Variants in EPB41L4B observed in about 807,000 individuals in gnomAD.
EPB41L4B encodes band 4.1-like protein 4B.
A neutral mutation model predicts 112.5 loss-of-function variants in EPB41L4B; 30 were observed. The observed-to-expected ratio is 0.27, with a 90% confidence interval of 0.20 to 0.36. EPB41L4B has a LOEUF of 0.36. EPB41L4B is among the 10% of genes least tolerant of loss of function. The pLI is 1.00. For missense variants in EPB41L4B, 1,024 were observed against 1,133.3 expected, an observed-to-expected ratio of 0.90 and a Z score of 1.38; for synonymous variants, 408 against 439.7, an observed-to-expected ratio of 0.93 and a Z score of 0.90.
At position 109,190,144 on chromosome 9, in the gene EPB41L4B, A is replaced by G. The variant is rs538827439; in HGVS notation, c.2301+2134T>C. Among the ~76,000 whole-genome samples, 94 of 152,270 alleles carry G rather than the reference A, an allele frequency of 6.2e-4. 2 individuals carry two copies. In the South Asian group the frequency reaches 0.019, roughly 31 times the overall value. ...TAGTGTCTTGGTGGAACGTTGCTGAATGAAGGCAAGATCTCCAGTTCCCTG... is the reference window on the plus strand; with the variant it reads ...TAGTGTCTTGGTGGAACGTTGCTGAGTGAAGGCAAGATCTCCAGTTCCCTG... On this transcript the variant is annotated intron_variant, in intron 22 of 25. Coordinates refer to ENST00000374566, the MANE Select transcript of EPB41L4B (RefSeq NM_019114.5).
At chr9:109,274,591 G>C (rs1835743335) in intron 2 of EPB41L4B, among the ~76,000 whole-genome samples, 1 of 152,172 alleles carries the variant, frequency 6.6e-6, no homozygotes, top group African/African-American at 2.4e-5. Flanking sequence ...GCTCAGCACT[G>C]AGTAAGCTCC....
chr9:109,182,679 G>T (rs547270362), intron 24 of EPB41L4B, 50 bp downstream of exon 24: 1 of 1,381,194 alleles, frequency 7.2e-7, no homozygotes, highest in African/African-American at 1.4e-5. Context: ...AAAGCACACC[G>T]CATGGGAACA....
chr9:109,276,091 T>TTATATATGTGTATCTATATACACA (rs1254922575), intron 2 of EPB41L4B, among the ~76,000 whole-genome samples: 2 of 148,038 alleles, frequency 1.4e-5, no homozygotes, highest in African/African-American at 4.9e-5. Context: ...TACATATATA[T>TTATATATGTGTATCTATATACACA]TATATATGTG....
chr9:109,214,294 C>T (rs575053380), intron 16 of EPB41L4B, among the ~76,000 whole-genome samples: 3 of 152,224 alleles, frequency 2.0e-5, no homozygotes, highest in Admixed American at 2.0e-4. Flanking sequence ...ATTCATTTGC[C>T]ACTACTTCTC....
intron 11 of EPB41L4B, 97 bp downstream of exon 11, chr9:109,255,414 C>G (rs1834939357): frequency 6.9e-7 from 1 of 1,442,190 alleles, no homozygotes; most frequent in Non-Finnish European, 9.4e-7. Flanking sequence ...ACCTAAGTTT[C>G]TGGACTCAAA....
intron 1 of EPB41L4B, among the ~76,000 whole-genome samples, chr9:109,314,455 G>A (rs1358688614): frequency 6.6e-6 from 1 of 152,194 alleles, no homozygotes; most frequent in Non-Finnish European, 1.5e-5. Flanking sequence ...TCAGAGCCCT[G>A]TACCAGTGTA....
intron 1 of EPB41L4B, among the ~76,000 whole-genome samples, chr9:109,318,438 A>C (rs1452873848): frequency 6.6e-6 from 1 of 152,098 alleles, no homozygotes; most frequent in Non-Finnish European, 1.5e-5. Flanking sequence ...CATGCACACC[A>C]CTTAAGCCTG....
In EPB41L4B at chr9:109,276,915, C is replaced by T. The variant is rs183707757; in HGVS notation, c.411+2902G>A. On this transcript the variant is annotated intron_variant, in intron 2 of 25. Transcript: ENST00000374566. The stretch of plus-strand genomic sequence containing the variant: ...TTTGCAGCAGACATGCCAACGTCCC[C>T]TTTAGACTCAGAATGACTGAACATT... 2.5e-4 allele frequency among the ~76,000 whole-genome samples: 38 copies of T among 152,308 alleles called. No individual in the cohort carries two copies. In the East Asian group the frequency reaches 6.9e-3, roughly 28 times the overall value.
intron 2 of EPB41L4B, among the ~76,000 whole-genome samples, chr9:109,271,781 C>T (rs915925698): frequency 2.6e-5 from 4 of 152,176 alleles, no homozygotes; most frequent in Non-Finnish European, 5.9e-5. Flanking sequence ...CAGACAGGTG[C>T]AATTCTGAGT....
chr9:109,263,519 A>T (rs765657081), intron 5 of EPB41L4B, among the ~76,000 whole-genome samples: 1 of 152,262 alleles, frequency 6.6e-6, no homozygotes, highest in Non-Finnish European at 1.5e-5. Context: ...GTTAAAAATA[A>T]ACACACAGAC....
At chr9:109,259,342 G>A (rs1006488384) in intron 6 of EPB41L4B, among the ~76,000 whole-genome samples, 3 of 152,146 alleles carry the variant, frequency 2.0e-5, no homozygotes, top group Non-Finnish European at 2.9e-5. Context: ...ACTGGGCCCC[G>A]CCCCCAGAGT....
intron 13 of EPB41L4B, 135 bp downstream of exon 13, chr9:109,251,346 G>A: frequency 1.2e-6 from 1 of 814,808 alleles, no homozygotes; most frequent in Non-Finnish European, 2.1e-6. Flanking sequence ...GGAATAGCCA[G>A]GCAGCAGAAA....
At chr9:109,285,927 T>C (rs1309181953) in intron 1 of EPB41L4B, among the ~76,000 whole-genome samples, 1 of 152,130 alleles carries the variant, frequency 6.6e-6, no homozygotes, top group East Asian at 1.9e-4. Context: ...CGTAAGCAGG[T>C]GTGTGCCTTA....
chr9:109,241,709 C>T (rs1410750965), intron 15 of EPB41L4B: 2 of 1,614,126 alleles, frequency 1.2e-6, no homozygotes, highest in Non-Finnish European at 1.7e-6. Context: ...CTTTGCATCC[C>T]TCCTAAGTTC....
intron 15 of EPB41L4B, among the ~76,000 whole-genome samples, chr9:109,226,951 C>T (rs1833803893): frequency 6.6e-6 from 1 of 151,528 alleles, no homozygotes; most frequent in African/African-American, 2.4e-5. Context: ...CAATCTTCTT[C>T]TCTCAGCCTC....
At position 109,248,475 on chromosome 9, in the gene EPB41L4B, C is replaced by T. The variant is rs190400335; in HGVS notation, c.1311-686G>A. ...GGGAAACCTGCTCAGGGTCGCCTGGCTGGTCAGTGGGAGCCAGGGCTAGAA... is the reference window on the plus strand; with the variant it reads ...GGGAAACCTGCTCAGGGTCGCCTGGTTGGTCAGTGGGAGCCAGGGCTAGAA... On this transcript the variant is annotated intron_variant, in intron 13 of 25. Transcript: ENST00000374566. 9.8e-5 allele frequency among the ~76,000 whole-genome samples: 15 copies of T among 152,320 alleles called. No individual in the cohort carries two copies. The East Asian group carries it at 2.1e-3, about 22-fold the overall frequency.
At chr9:109,239,901 T>C in intron 15 of EPB41L4B, 2 of 985,486 alleles carry the variant, frequency 2.0e-6, no homozygotes, top group Non-Finnish European at 2.4e-6. Context: ...CACTTCTCTC[T>C]ACTCAGCACC....
chr9:109,258,124 T>G, intron 7 of EPB41L4B, 53 bp downstream of exon 7: 1 of 1,575,250 alleles, frequency 6.3e-7, no homozygotes, highest in Non-Finnish European at 8.7e-7. Context: ...TGATCAACAC[T>G]TATTTATGAC....
intron 15 of EPB41L4B, among the ~76,000 whole-genome samples, chr9:109,218,663 A>G (rs1156277874): frequency 6.6e-6 from 1 of 150,956 alleles, no homozygotes; most frequent in Non-Finnish European, 1.5e-5. Flanking sequence ...TTTCAGCCTC[A>G]TCTCCTGCTA....
Sources: allele counts gnomAD v4.1 joint callset (sites outside exome capture counted in the v4.1 genomes callset), GRCh38; gene constraint gnomAD v4.1.1; transcripts MANE v1.5; gene names NCBI Gene and HGNC (gene_info 2026-07-23, HGNC 2026-07-21).